The following TFDP1 variants were observed in gnomAD, a reference collection of about 807,000 sequenced individuals.
The protein encoded by TFDP1 is DRTF1-polypeptide 1.
TFDP1 carries 6 observed loss-of-function variants against 48.0 expected under a neutral mutation model. The observed-to-expected ratio is 0.13, with a 90% CI of 0.07 to 0.25. The LOEUF (loss-of-function observed/expected upper bound fraction) is 0.25. Ranked by LOEUF, TFDP1 falls within the 10% of genes least tolerant of loss-of-function variation. TFDP1 has a pLI of 1.00. For missense variants in TFDP1, 335 were observed against 543.0 expected (o/e 0.62, Z 3.81); for synonymous variants, 201 against 211.6 (o/e 0.95, Z 0.44).
rs556169673 is a variant in TFDP1, at chr13:113,623,496, G to A, written c.186+210G>A. Among the ~76,000 whole-genome samples, 152 of 152,204 alleles carry A rather than the reference G, an allele frequency of 1.0e-3. No homozygotes were observed. The highest frequency in any genetic ancestry group is 3.5e-3 in the African/African-American group (145 of 41,516). On this transcript the variant is annotated intron_variant, in intron 4 of 11. Coordinates refer to ENST00000375370, the MANE Select transcript of TFDP1 (RefSeq NM_007111.5). The surrounding 1 kb of genome is among the most constrained non-coding windows in gnomAD (Gnocchi z 5.2). The stretch of plus-strand genomic sequence containing the variant: ...GTGTTGTTGTGGGAGAGGTGATGGC[G>A]CCCACAGCACTCCTGTGTGCCCCAG...
chr13:113,596,869 G>C (rs2048300873), intron 2 of TFDP1, among the ~76,000 whole-genome samples: 1 of 152,168 alleles, frequency 6.6e-6, no homozygotes, highest in African/African-American at 2.4e-5. Flanking sequence ...GTGTTTTTGG[G>C]CATTTGTTCC....
chr13:113,599,374 T>C (rs1430094700), intron 2 of TFDP1, among the ~76,000 whole-genome samples: 1 of 152,222 alleles, frequency 6.6e-6, no homozygotes, highest in Admixed American at 6.5e-5. Context: ...TTCACTCTTA[T>C]TGTCACATAG....
rs368503691 is a variant in TFDP1, at chr13:113,636,720, C to T, written c.1006+20C>T. 1.4e-5 allele frequency: 22 copies of T among 1,608,170 alleles called. No homozygotes were observed. Among genetic ancestry groups the T allele is most frequent in the Non-Finnish European group, 1.8e-5 (21 of 1,176,284 alleles). On this transcript the variant is annotated intron_variant, in intron 10 of 11. Coordinates refer to ENST00000375370, the MANE Select transcript of TFDP1 (RefSeq NM_007111.5). ...TGACAGGTCAGCAATGCCCAGACAA[C>T]CTGGCGTGGCTGTGTGAGGAATGGC...
Position 113,611,719 on chromosome 13 carries a change from G to A in TFDP1, c.79+657G>A, listed in dbSNP as rs112994104. Among the ~76,000 whole-genome samples the A allele has an allele frequency of 4.6e-3, 696 of 152,328 alleles. 5 individuals are homozygous for A. The highest frequency in any genetic ancestry group is 0.016 in the African/African-American group (670 of 41,564). ...CCTTACCTGTGCTGGGTCAGGGCAC[G>A]CCATTTAGAAGCTTTGATGTGCGAT... On this transcript the variant is annotated intron_variant, in intron 3 of 11. Coordinates refer to ENST00000375370, the MANE Select transcript of TFDP1 (RefSeq NM_007111.5).
chr13:113,602,487 C>T (rs959468039), intron 2 of TFDP1, among the ~76,000 whole-genome samples: 1 of 152,140 alleles, frequency 6.6e-6, no homozygotes, highest in Non-Finnish European at 1.5e-5. Flanking sequence ...GTGGCCTCTT[C>T]CCCAGGTCTC....
rs896632310 is a variant in TFDP1 at position 113,633,048 on chromosome 13, A to G, written c.309-72A>G. 6.3e-7 allele frequency: 1 copy of G among 1,588,510 alleles called. No homozygotes were observed. The highest frequency in any genetic ancestry group is 1.4e-5 in the African/African-American group (1 of 73,604). On this transcript the variant is annotated intron_variant, in intron 5 of 11. Coordinates refer to ENST00000375370, the MANE Select transcript of TFDP1 (RefSeq NM_007111.5). This position sits in a 1 kb window ranked among gnomAD's most constrained non-coding sequence, Gnocchi z 4.5. ...TGCAGCTCATTAGAGCTCTCAGGTA[A>G]AAGCATTCCTCGATTCAGGCTGATC... is the stretch of plus-strand genomic sequence containing the variant.
At chr13:113,608,432 G>T (rs907933107) in intron 2 of TFDP1, among the ~76,000 whole-genome samples, 16 of 152,198 alleles carry the variant, frequency 1.1e-4, no homozygotes, top group Admixed American at 5.9e-4. Flanking sequence ...TGGCTGTGCA[G>T]GCGGGAGGGC....
In TFDP1 at chr13:113,639,187, C is replaced by A. The variant is rs563544473; in HGVS notation, c.1086-933C>A. ...TCCTTCTGTTGTAGCTATGTGTGAA[C>A]GTGTGGCGGTCAGTCTGTAAACATG... On this transcript the variant is annotated intron_variant, in intron 11 of 11. Transcript: ENST00000375370. Among the ~76,000 whole-genome samples, 9 of 152,328 alleles carry A rather than the reference C, an allele frequency of 5.9e-5. No homozygotes were observed. In the East Asian group the frequency reaches 1.5e-3, roughly 26 times the overall value.
chr13:113,637,870 G>T lies in TFDP1; in HGVS notation c.1059G>T (p.Thr353=). ...GGVFITTAGS[T]SNGTRFSASD... The stretch of plus-strand genomic sequence containing the variant: ...TGTTCATCACGACGGCAGGTTCCAC[G>T]TCTAACGGCACAAGGTTCTCTGCCA... The change falls in exon 11 of 12, where the codon ACG becomes ACT. Residue 353 remains threonine (T), a synonymous_variant. Coordinates refer to ENST00000375370, the MANE Select transcript of TFDP1 (RefSeq NM_007111.5). 1.2e-6 allele frequency: 2 copies of T among 1,613,936 alleles called. No individual in the cohort carries two copies. Among genetic ancestry groups the T allele is most frequent in the Non-Finnish European group, 1.7e-6 (2 of 1,180,038 alleles).
At chr13:113,636,424 A>C (rs1594540411) in intron 9 of TFDP1, 110 bp from the exon 10 acceptor site, 2 of 1,221,118 alleles carry the variant, frequency 1.6e-6, no homozygotes, top group Non-Finnish European at 2.3e-6. Context: ...ATGACTGGGA[A>C]CCGGGAAGCT....
chr13:113,611,096 T>C, intron 3 of TFDP1, 34 bp downstream of exon 3: 2 of 1,560,334 alleles, frequency 1.3e-6, no homozygotes, highest in Non-Finnish European at 1.8e-6. Flanking sequence ...ACTCTTGTGT[T>C]GATGAATGCA....
At chr13:113,610,260 C>G (rs1333260701) in intron 2 of TFDP1, among the ~76,000 whole-genome samples, 3 of 151,116 alleles carry the variant, frequency 2.0e-5, no homozygotes, top group Non-Finnish European at 4.4e-5. Flanking sequence ...TGCCATGTGG[C>G]TGTACCATCA....
intron 2 of TFDP1, among the ~76,000 whole-genome samples, chr13:113,593,245 C>A (rs1390767835): frequency 5.0e-5 from 7 of 140,610 alleles, no homozygotes; most frequent in Non-Finnish European, 1.1e-4. Flanking sequence ...TGCACGCGTC[C>A]TCAGCTATAC....
At position 113,631,853 on chromosome 13, in the gene TFDP1, C is replaced by T. The variant is rs889560365; in HGVS notation, c.308+109C>T. On this transcript the variant is annotated intron_variant, in intron 5 of 11. Transcript: ENST00000375370. ...ACAGTCGTGCGATGGGGCTCCCACG[C>T]GCGTTGACGCCAGCCTCCGAATCAC... 1.7e-5 allele frequency: 24 copies of T among 1,427,364 alleles called. No homozygotes were observed. In the East Asian group the frequency reaches 2.0e-4, roughly 12 times the overall value. 88.4% of individuals were successfully genotyped at this position (1,427,364 alleles called of 1,614,324 possible).
chr13:113,609,375 C>T lies in TFDP1; in HGVS notation c.13-1621C>T, dbSNP rs1031896076. Among the ~76,000 whole-genome samples the T allele has an allele frequency of 2.0e-5, 3 of 148,262 alleles. No homozygotes were observed. In the East Asian group the frequency reaches 5.8e-4, roughly 29 times the overall value. Reference sequence around the variant, plus strand: ...TCCCACAGCCAGGGCTGGGACGGTGCCTGCTGGACAGCTAGACTCAGAAAG... The same window carrying T: ...TCCCACAGCCAGGGCTGGGACGGTGTCTGCTGGACAGCTAGACTCAGAAAG... On this transcript the variant is annotated intron_variant, in intron 2 of 11. Coordinates refer to ENST00000375370, the MANE Select transcript of TFDP1 (RefSeq NM_007111.5).
In TFDP1 at chr13:113,599,834, A is replaced by C. The variant is rs1162036166; in HGVS notation, c.13-11162A>C. Among the ~76,000 whole-genome samples the C allele has an allele frequency of 2.2e-5, 3 of 138,576 alleles. No individual in the cohort carries two copies. In the South Asian group the frequency reaches 7.2e-4, roughly 33 times the overall value. 90.9% of individuals were successfully genotyped at this position (138,576 alleles called of 152,430 possible). On this transcript the variant is annotated intron_variant, in intron 2 of 11. Transcript: ENST00000375370. ...GGACCGTGAGAGAGAACCCAGGACC[A>C]TGAGAAAGAACCCAGGACCGTGAAA...
At chr13:113,591,459 CAGCTCTTTGTT>C (rs2048144901) in intron 2 of TFDP1, among the ~76,000 whole-genome samples, 2 of 151,970 alleles carry the variant, frequency 1.3e-5, no homozygotes, top group Non-Finnish European at 2.9e-5. Context: ...CTTACATAAT[CAGCTCTTTGTT>C]AGCTCTTTAC....
intron 8 of TFDP1, among the ~76,000 whole-genome samples, chr13:113,634,882 T>C (rs944704246): frequency 1.3e-5 from 2 of 151,584 alleles, no homozygotes; most frequent in African/African-American, 4.9e-5. Context: ...TGTGTGCGTG[T>C]GCATGTGTGT....
At position 113,633,024 on chromosome 13, in the gene TFDP1, G is replaced by A; in HGVS notation, c.309-96G>A. The A allele has an allele frequency of 6.7e-7, 1 of 1,493,538 alleles. No individual in the cohort carries two copies. 92.5% of individuals were successfully genotyped at this position (1,493,538 alleles called of 1,614,324 possible). On this transcript the variant is annotated intron_variant, in intron 5 of 11. Coordinates refer to ENST00000375370, the MANE Select transcript of TFDP1 (RefSeq NM_007111.5). The surrounding 1 kb of genome is among the most constrained non-coding windows in gnomAD (Gnocchi z 4.5). ...CCCGTGGGACGTGGCCCCTTTTTGT[G>A]CAGCTCATTAGAGCTCTCAGGTAAA...
Sources: allele counts gnomAD v4.1 joint callset (sites outside exome capture counted in the v4.1 genomes callset), GRCh38; gene constraint gnomAD v4.1.1; non-coding constraint Gnocchi (gnomAD v3.1); transcripts MANE v1.5; gene names NCBI Gene and HGNC (gene_info 2026-07-23, HGNC 2026-07-21).